Variants in DCDC1 observed in about 807,000 individuals in gnomAD.
DCDC1 encodes doublecortin domain-containing protein 1.
A neutral mutation model predicts 178.3 loss-of-function variants in DCDC1; 200 were observed. That is an observed-to-expected ratio of 1.12 (90% CI 1.00 to 1.26). The LOEUF (loss-of-function observed/expected upper bound fraction) is 1.26, where lower values mean the gene tolerates loss of function less well. DCDC1 is among the 50% of genes most tolerant of loss of function. DCDC1 has a pLI of 0.00. For synonymous variants in DCDC1, 690 were observed against 604.8 expected (o/e 1.14, Z -2.07); for missense variants, 1,983 against 1,749.2 (o/e 1.13, Z -2.38).
rs142572424 is a variant in DCDC1, at chr11:31,133,543, T to A, written c.1314+4149A>T. Among the ~76,000 whole-genome samples, 532 of 152,290 alleles carry A rather than the reference T, an allele frequency of 3.5e-3. 2 individuals carry two copies. Among genetic ancestry groups the A allele is most frequent in the Non-Finnish European group, 5.5e-3 (374 of 68,030 alleles). ...AAGAAGGAAACAGAACCCTAATTTG[T>A]TGAATGAAGATTGGAAAAAACATGG... is the stretch of plus-strand genomic sequence containing the variant. On this transcript the variant is annotated intron_variant, in intron 10 of 38. Coordinates refer to ENST00000684477, the MANE Select transcript of DCDC1 (RefSeq NM_001387274.1).
rs191754409 is a variant in DCDC1, at chr11:30,973,196, G to A, written c.2592-20628C>T. Among the ~76,000 whole-genome samples the A allele has an allele frequency of 1.4e-4, 21 of 151,128 alleles. No homozygotes were observed. In the East Asian group the frequency reaches 2.5e-3, roughly 18 times the overall value. ...CTGAGGCAGGAGAATCACTTGAACC[G>A]GGGAGGTGGCAGTTAAAGAGTGAGC... On this transcript the variant is annotated intron_variant, in intron 20 of 38. Coordinates refer to ENST00000684477, the MANE Select transcript of DCDC1 (RefSeq NM_001387274.1).
At chr11:31,337,768 A>C (rs1950345880) in intron 1 of DCDC1, among the ~76,000 whole-genome samples, 1 of 152,200 alleles carries the variant, frequency 6.6e-6, no homozygotes, top group Non-Finnish European at 1.5e-5. Context: ...CAAAGGAATC[A>C]TCTTTATGTT....
chr11:31,210,298 C>A (rs1203825429), intron 9 of DCDC1, among the ~76,000 whole-genome samples: 1 of 152,186 alleles, frequency 6.6e-6, no homozygotes, highest in Non-Finnish European at 1.5e-5. Context: ...TCAATTGTTC[C>A]CAGTTCCAGA....
intron 1 of DCDC1, among the ~76,000 whole-genome samples, chr11:31,348,621 A>G (rs1199479427): frequency 6.6e-6 from 1 of 152,200 alleles, no homozygotes; most frequent in Non-Finnish European, 1.5e-5. Flanking sequence ...CCACAGTGGA[A>G]GCCATTATAC....
chr11:31,006,513 C>T (rs959178079), intron 20 of DCDC1, among the ~76,000 whole-genome samples: 3 of 152,160 alleles, frequency 2.0e-5, no homozygotes, highest in African/African-American at 7.2e-5. Flanking sequence ...AGCAGACTAC[C>T]TTAAACCATC....
At chr11:31,243,308 T>C (rs1230283666) in intron 8 of DCDC1, among the ~76,000 whole-genome samples, 1 of 151,814 alleles carries the variant, frequency 6.6e-6, no homozygotes. Flanking sequence ...CACATTCATA[T>C]ATTACTATGT....
intron 20 of DCDC1, among the ~76,000 whole-genome samples, chr11:31,012,026 G>A (rs1004856466): frequency 3.3e-5 from 5 of 151,992 alleles, no homozygotes; most frequent in Admixed American, 1.3e-4. Context: ...ACAAGATTTG[G>A]TTGTTTAAAA....
intron 20 of DCDC1, among the ~76,000 whole-genome samples, chr11:31,025,801 T>C (rs1953189532): frequency 6.6e-6 from 1 of 151,740 alleles, no homozygotes; most frequent in African/African-American, 2.4e-5. Flanking sequence ...ACACAATAAA[T>C]ATGGCAAATA....
At chr11:31,194,218 G>C (rs1328330897) in intron 9 of DCDC1, among the ~76,000 whole-genome samples, 1 of 152,058 alleles carries the variant, frequency 6.6e-6, no homozygotes, top group Non-Finnish European at 1.5e-5. Flanking sequence ...ATGTCGACAA[G>C]ATTACTTCTT....
intron 20 of DCDC1, among the ~76,000 whole-genome samples, chr11:31,017,497 T>A (rs290088): frequency 0.048 from 7,266 of 152,024 alleles, 600 homozygotes; most frequent in African/African-American, 0.17. Context: ...AAAATAAATT[T>A]AAAAAATAAT....
At chr11:31,122,748 C>T (rs574211162) in intron 11 of DCDC1, among the ~76,000 whole-genome samples, 3 of 152,102 alleles carry the variant, frequency 2.0e-5, no homozygotes, top group African/African-American at 7.2e-5. Flanking sequence ...TATGTAGGAC[C>T]GCTCTTGTTA....
intron 9 of DCDC1, among the ~76,000 whole-genome samples, chr11:31,226,390 A>G (rs2136719777): frequency 6.6e-6 from 1 of 152,206 alleles, no homozygotes; most frequent in East Asian, 1.9e-4. Context: ...ATAAAGGCCA[A>G]AAATATAACA....
chr11:31,182,433 A>G (rs1968931971), intron 9 of DCDC1, among the ~76,000 whole-genome samples: 1 of 152,200 alleles, frequency 6.6e-6, no homozygotes, highest in African/African-American at 2.4e-5. Context: ...TCAACATTCT[A>G]AAAGGAAATA....
At position 30,949,276 on chromosome 11, in the gene DCDC1, A is replaced by G. The variant is rs1948257745; in HGVS notation, c.2715+3169T>C. Among the ~76,000 whole-genome samples the G allele has an allele frequency of 2.0e-5, 3 of 152,376 alleles. 1 individual carries two copies. In the South Asian group the frequency reaches 6.2e-4, roughly 32 times the overall value. On this transcript the variant is annotated intron_variant, in intron 21 of 38. Transcript: ENST00000684477. ...ATAAAGCTCATCATCACTGGTCATT[A>G]GAGAAATGCAAATCAAAATCACAAT...
At chr11:30,901,071 T>A (rs74716186) in intron 32 of DCDC1, among the ~76,000 whole-genome samples, 2,242 of 152,198 alleles carry the variant, frequency 0.015, 58 homozygotes, top group African/African-American at 0.052. Flanking sequence ...GCTCTGAGCT[T>A]CCTAATGGCG....
At position 31,199,084 on chromosome 11, in the gene DCDC1, C is replaced by T. The variant is rs148233203; in HGVS notation, c.1221+42366G>A. ...TCAAGCAAAATATGATAGCAAATTT[C>T]AAAGAAGTTATTTAACTAAAATCCC... On this transcript the variant is annotated intron_variant, in intron 9 of 38. Coordinates refer to ENST00000684477, the MANE Select transcript of DCDC1 (RefSeq NM_001387274.1). Among the ~76,000 whole-genome samples the T allele has an allele frequency of 5.9e-5, 9 of 152,000 alleles. No homozygotes were observed. The East Asian group carries it at 1.5e-3, about 26-fold the overall frequency.
At chr11:31,008,365 G>A (rs150899989) in intron 20 of DCDC1, among the ~76,000 whole-genome samples, 289 of 152,170 alleles carry the variant, frequency 1.9e-3, no homozygotes, top group African/African-American at 6.5e-3. Context: ...AAGAGGTAGG[G>A]TGGATTTAGT....
chr11:31,158,754 T>C (rs1404387515), intron 9 of DCDC1, among the ~76,000 whole-genome samples: 1 of 152,174 alleles, frequency 6.6e-6, no homozygotes, highest in Non-Finnish European at 1.5e-5. Flanking sequence ...ATTAGCAATG[T>C]CAATTTTTTC....
intron 7 of DCDC1, among the ~76,000 whole-genome samples, chr11:31,286,213 G>A (rs61309682): frequency 0.019 from 2,924 of 151,888 alleles, 86 homozygotes; most frequent in African/African-American, 0.066. Flanking sequence ...CCTAGAGTCT[G>A]ATTTTTTAAC....
Sources: allele counts gnomAD v4.1 joint callset (sites outside exome capture counted in the v4.1 genomes callset), GRCh38; gene constraint gnomAD v4.1.1; transcripts MANE v1.5; gene names NCBI Gene and HGNC (gene_info 2026-07-23, HGNC 2026-07-21).